Variants in GPC6 observed in about 807,000 individuals in gnomAD.
GPC6 encodes the protein glypican-6.
Under a neutral mutation model 55.2 loss-of-function variants are expected in GPC6, and 14 were observed. That is an observed-to-expected ratio of 0.25 (90% CI 0.17 to 0.40). GPC6 has a LOEUF of 0.40. GPC6 is among the 10% of genes least tolerant of loss of function. The probability of loss-of-function intolerance (pLI) is 1.00; values close to 1 mark genes in which losing one functional copy is unlikely to be tolerated. For missense variants in GPC6, 641 were observed against 708.5 expected (o/e 0.90, Z 1.08); for synonymous variants, 278 against 259.6 (o/e 1.07, Z -0.68).
intron 2 of GPC6, among the ~76,000 whole-genome samples, chr13:93,717,079 T>C (rs1213289707): frequency 6.6e-5 from 10 of 151,540 alleles, no homozygotes; most frequent in Admixed American, 6.6e-4. Context: ...ATGATGTTCA[T>C]ACAAGGACAG....
chr13:94,170,630 A>G (rs1279822657), intron 4 of GPC6, among the ~76,000 whole-genome samples: 1 of 152,220 alleles, frequency 6.6e-6, no homozygotes, highest in Non-Finnish European at 1.5e-5. Context: ...ACTCTTTGCT[A>G]TCCTCAAAAT....
At chr13:94,043,452 A>T (rs1047434955) in intron 4 of GPC6, among the ~76,000 whole-genome samples, 3 of 151,904 alleles carry the variant, frequency 2.0e-5, no homozygotes, top group Admixed American at 2.0e-4. Context: ...CATTCACCTG[A>T]TCCTAATGTT....
At chr13:93,547,618 G>T (rs935812504) in intron 2 of GPC6, among the ~76,000 whole-genome samples, 1 of 152,062 alleles carries the variant, frequency 6.6e-6, no homozygotes, top group African/African-American at 2.4e-5. Context: ...TCTGACCTAA[G>T]GGAGGATGAA....
chr13:93,389,294 G>A (rs946175972), intron 1 of GPC6, among the ~76,000 whole-genome samples: 6 of 151,704 alleles, frequency 4.0e-5, no homozygotes, highest in African/African-American at 1.2e-4. Flanking sequence ...TCAGGAGATC[G>A]AGACCATCCT....
At chr13:94,136,634 C>A (rs923052237) in intron 4 of GPC6, among the ~76,000 whole-genome samples, 3 of 152,034 alleles carry the variant, frequency 2.0e-5, no homozygotes, top group African/African-American at 7.2e-5. Context: ...GGCGTGAACC[C>A]GGGAAGCAGA....
chr13:93,439,896 C>G (rs968638649), intron 1 of GPC6, among the ~76,000 whole-genome samples: 1 of 152,056 alleles, frequency 6.6e-6, no homozygotes, highest in African/African-American at 2.4e-5. Context: ...CCTCTCTAAG[C>G]CTTAGTTTTA....
Position 93,737,732 on chromosome 13 carries a change from G to A in GPC6, c.320-92422G>A, listed in dbSNP as rs551771119. On this transcript the variant is annotated intron_variant, in intron 2 of 8. Transcript: ENST00000377047. ...GAACAAATATAATTTTTTATAAAAT[G>A]TTCCTATGTTGTGAAAATGTTGATT... is the stretch of plus-strand genomic sequence containing the variant. Among the ~76,000 whole-genome samples, 141 of 152,084 alleles carry A rather than the reference G, an allele frequency of 9.3e-4. 1 individual carries two copies. The highest frequency in any genetic ancestry group is 3.2e-3 in the African/African-American group (134 of 41,516).
At chr13:93,435,803 A>G (rs1877549752) in intron 1 of GPC6, among the ~76,000 whole-genome samples, 1 of 152,084 alleles carries the variant, frequency 6.6e-6, no homozygotes, top group African/African-American at 2.4e-5. Context: ...AAATACGGAA[A>G]TTTTCAGCTG....
At chr13:93,467,115 C>T (rs1878932664) in intron 1 of GPC6, among the ~76,000 whole-genome samples, 1 of 152,146 alleles carries the variant, frequency 6.6e-6, no homozygotes, top group Non-Finnish European at 1.5e-5. Context: ...CTTTCTACCC[C>T]CTTTATAAGC....
rs1298901491 is a variant in GPC6 at position 93,412,856 on chromosome 13, G to A, written c.161-132407G>A. Reference sequence around the variant, plus strand: ...AGGCTCTATAATTATTTACTTGTGTGTGAATCCTAGTGCCACTTTTTACCC... The same window carrying A: ...AGGCTCTATAATTATTTACTTGTGTATGAATCCTAGTGCCACTTTTTACCC... On this transcript the variant is annotated intron_variant, in intron 1 of 8. Coordinates refer to ENST00000377047, the MANE Select transcript of GPC6 (RefSeq NM_005708.5). Among the ~76,000 whole-genome samples, 5 of 152,166 alleles carry A rather than the reference G, an allele frequency of 3.3e-5. No individual in the cohort carries two copies. In the South Asian group the frequency reaches 8.3e-4, roughly 25 times the overall value.
At chr13:93,336,798 C>T (rs994177210) in intron 1 of GPC6, among the ~76,000 whole-genome samples, 6 of 152,108 alleles carry the variant, frequency 3.9e-5, no homozygotes, top group Middle Eastern at 3.4e-3. Flanking sequence ...TGGCCTTTCT[C>T]GATGGGCATC....
chr13:94,336,571 T>TTTG (rs1334363500), intron 6 of GPC6, among the ~76,000 whole-genome samples: 1 of 152,172 alleles, frequency 6.6e-6, no homozygotes. Context: ...GGTTTTTTAA[T>TTTG]TTGTTGCTCT....
Position 93,672,732 on chromosome 13 carries a change from TATAAA to T in GPC6, c.319+127320_319+127324del, listed in dbSNP as rs545149373. Among the ~76,000 whole-genome samples, 698 of 151,790 alleles carry T rather than the reference TATAAA, an allele frequency of 4.6e-3. 7 individuals carry two copies. Among genetic ancestry groups the T allele is most frequent in the African/African-American group, 0.016 (650 of 41,442 alleles). ...CATTATATGTAAAATTAGATACATATATAAAATAAAATACATTCTCTCAGTAGACA... is the reference window on the plus strand; with the variant it reads ...CATTATATGTAAAATTAGATACATATATAAAATACATTCTCTCAGTAGACA... On this transcript the variant is annotated intron_variant, in intron 2 of 8. Transcript: ENST00000377047.
intron 3 of GPC6, among the ~76,000 whole-genome samples, chr13:93,970,826 AAGATGTGCAGAAGCTTAAGTTTT>A (rs1467092531): frequency 2.0e-5 from 3 of 152,202 alleles, no homozygotes; most frequent in Admixed American, 6.5e-5. Flanking sequence ...CCTCAAAGGA[AAGATGTGCAGAAGCTTAAGTTTT>A]TATAGCAGGG....
Position 93,281,301 on chromosome 13 carries a change from A to G in GPC6, c.160+53685A>G, listed in dbSNP as rs1332314137. 6.6e-5 allele frequency among the ~76,000 whole-genome samples: 10 copies of G among 152,260 alleles called. No homozygotes were observed. In the East Asian group the frequency reaches 1.9e-3, roughly 29 times the overall value. ...AATTCTGGAGGCTGGGAAGTCCAAG[A>G]TGAAGACACTGGCAGATGCGGTGTC... On this transcript the variant is annotated intron_variant, in intron 1 of 8. Transcript: ENST00000377047.
chr13:93,586,875 G>T (rs1023156985), intron 2 of GPC6, among the ~76,000 whole-genome samples: 60 of 152,274 alleles, frequency 3.9e-4, no homozygotes, highest in African/African-American at 1.3e-3. Context: ...TGGGGATTCT[G>T]TGAAATAGAC....
At chr13:94,190,462 T>C (rs995392309) in intron 4 of GPC6, among the ~76,000 whole-genome samples, 1 of 152,156 alleles carries the variant, frequency 6.6e-6, no homozygotes, top group African/African-American at 2.4e-5. Flanking sequence ...CACCAAATGA[T>C]CCATCACTTT....
intron 1 of GPC6, among the ~76,000 whole-genome samples, chr13:93,258,660 T>C (rs1470889766): frequency 6.6e-6 from 1 of 151,872 alleles, no homozygotes; most frequent in Non-Finnish European, 1.5e-5. Flanking sequence ...TCCATGGGGG[T>C]GGGTACAATG....
At chr13:93,267,600 T>C (rs1877368225) in intron 1 of GPC6, among the ~76,000 whole-genome samples, 2 of 152,194 alleles carry the variant, frequency 1.3e-5, no homozygotes, top group Admixed American at 1.3e-4. Flanking sequence ...TATAAAGAGC[T>C]ACACAAATGT....
Sources: allele counts gnomAD v4.1 joint callset (sites outside exome capture counted in the v4.1 genomes callset), GRCh38; gene constraint gnomAD v4.1.1; transcripts MANE v1.5; gene names NCBI Gene and HGNC (gene_info 2026-07-23, HGNC 2026-07-21).